BEND2: variants seen among roughly 807,000 people sequenced by gnomAD.
BEND2 encodes the protein BEN domain containing 2.
Under a neutral mutation model 43.8 loss-of-function variants are expected in BEND2, and 19 were observed. That is an observed-to-expected ratio of 0.43 (90% CI 0.30 to 0.64). The LOEUF is 0.64. Among genes scored for constraint, BEND2 ranks in the 30% least tolerant of loss-of-function variants. The pLI is 0.11. For missense variants in BEND2, 544 were observed against 574.0 expected (o/e 0.95, Z 0.53); for synonymous variants, 226 against 210.1 (o/e 1.08, Z -0.66).
chrX:18,191,258 G>A (rs936812475), intron 7 of BEND2, 150 bp from the exon 8 acceptor site: 7 of 429,237 alleles, frequency 1.6e-5, no homozygotes, highest in East Asian at 8.4e-5. Flanking sequence ...TTTAAAAAAC[G>A]GTGACTGGCT....
intron 8 of BEND2, among the ~76,000 whole-genome samples, chrX:18,182,564 G>A (rs997008778): frequency 1.8e-5 from 2 of 111,453 alleles, no homozygotes; most frequent in African/African-American, 6.5e-5. Flanking sequence ...AGACAAATAA[G>A]AACACTACAT....
At chrX:18,205,226 C>T (rs984078666) in intron 4 of BEND2, among the ~76,000 whole-genome samples, 5 of 110,688 alleles carry the variant, frequency 4.5e-5, no homozygotes, top group Admixed American at 9.7e-5. Context: ...GACGGCCTTC[C>T]ACCTGGCAGA....
chrX:18,195,778 G>A (rs1924924324), intron 6 of BEND2, among the ~76,000 whole-genome samples: 1 of 109,897 alleles, frequency 9.1e-6, no homozygotes, highest in African/African-American at 3.3e-5. Context: ...GAGTCAGGAG[G>A]CTGAGGGAGG....
At chrX:18,199,372 A>G (rs1457666832) in intron 6 of BEND2, among the ~76,000 whole-genome samples, 1 of 111,219 alleles carries the variant, frequency 9.0e-6, no homozygotes, top group Non-Finnish European at 1.9e-5. Context: ...TTAAAAGAAC[A>G]ATATGAAGGA....
intron 13 of BEND2, among the ~76,000 whole-genome samples, chrX:18,170,448 G>T (rs774014931): frequency 8.9e-6 from 1 of 112,015 alleles, no homozygotes; most frequent in South Asian, 3.7e-4. Context: ...TGATATGAAG[G>T]TAGGAACCAC....
intron 9 of BEND2, 119 bp from the exon 10 acceptor site, chrX:18,177,888 G>C: frequency 1.5e-6 from 1 of 655,095 alleles, no homozygotes; most frequent in South Asian, 3.0e-5. Flanking sequence ...GGCAAATGCA[G>C]ATAAATGATT....
chrX:18,217,126 C>A (rs1451429366), intron 1 of BEND2, among the ~76,000 whole-genome samples: 1 of 112,294 alleles, frequency 8.9e-6, no homozygotes, highest in African/African-American at 3.2e-5. Flanking sequence ...AATTTGTTCT[C>A]TAAAAACTAA....
chrX:18,192,021 G>A (rs947791399), intron 7 of BEND2, among the ~76,000 whole-genome samples: 1 of 111,720 alleles, frequency 9.0e-6, no homozygotes, highest in Non-Finnish European at 1.9e-5. Context: ...CTTGCACTAC[G>A]GATGCTAATG....
At chrX:18,189,013 G>A (rs766725004) in intron 8 of BEND2, among the ~76,000 whole-genome samples, 78 of 109,140 alleles carry the variant, frequency 7.1e-4, no homozygotes, top group Non-Finnish European at 1.3e-3. Flanking sequence ...AGCCTGGCCA[G>A]CACGGTGAAA....
At chrX:18,208,021 G>GA (rs201680223) in intron 4 of BEND2, among the ~76,000 whole-genome samples, 17,248 of 89,027 alleles carry the variant, frequency 0.19, 1,255 homozygotes, top group East Asian at 0.39. Flanking sequence ...TTCTGTCTCA[G>GA]AAAAAAAAAA....
intron 1 of BEND2, among the ~76,000 whole-genome samples, chrX:18,220,355 C>T (rs1925829966): frequency 8.9e-6 from 1 of 112,596 alleles, no homozygotes; most frequent in Non-Finnish European, 1.9e-5. Flanking sequence ...GAAAGAACCG[C>T]GGGCCAGAGG....
In BEND2 at chrX:18,196,830, G is replaced by A. The variant is rs755625571; in HGVS notation, c.1034-1388C>T. Among the ~76,000 whole-genome samples the A allele has an allele frequency of 1.9e-3, 211 of 111,393 alleles. 1 individual carries two copies. The highest frequency in any genetic ancestry group is 6.2e-3 in the African/African-American group (189 of 30,694). On this transcript the variant is annotated intron_variant, in intron 6 of 13. Transcript: ENST00000380033. Reference sequence around the variant, plus strand: ...GGAAGAAAAGGGTGACCTGAGAGAGGTGGGGGTGGTTATCAAAGATGAGGC... The same window carrying A: ...GGAAGAAAAGGGTGACCTGAGAGAGATGGGGGTGGTTATCAAAGATGAGGC...
intron 4 of BEND2, among the ~76,000 whole-genome samples, chrX:18,209,348 T>C (rs1279488260): frequency 9.0e-6 from 1 of 111,430 alleles, no homozygotes; most frequent in African/African-American, 3.3e-5. Context: ...GATACTAACT[T>C]GTCTTGGTGA....
At chrX:18,167,959 C>T (rs1923866247) in intron 13 of BEND2, among the ~76,000 whole-genome samples, 1 of 112,523 alleles carries the variant, frequency 8.9e-6, no homozygotes, top group South Asian at 3.7e-4. Context: ...TTAAGCACAT[C>T]TGAAGGTAGT....
intron 8 of BEND2, among the ~76,000 whole-genome samples, chrX:18,182,671 G>C (rs1306393366): frequency 9.0e-6 from 1 of 111,173 alleles, no homozygotes; most frequent in Non-Finnish European, 1.9e-5. Flanking sequence ...AAAACTGAAA[G>C]AGTAGAAAGG....
At chrX:18,171,339 C>T (rs1222327044) in intron 12 of BEND2, 135 bp from the exon 13 acceptor site, 1 of 694,904 alleles carries the variant, frequency 1.4e-6, no homozygotes, top group Non-Finnish European at 2.1e-6. Context: ...AATTTAAGGC[C>T]TTACATTTTT....
Position 18,175,976 on chromosome X carries a change from G to T in BEND2, c.1748C>A (p.Thr583Asn), listed in dbSNP as rs1924133813. Residue 583 changes from threonine to asparagine, a missense_variant, in exon 11 of 14, where the codon ACT (threonine) becomes AAT (asparagine). By Grantham distance (65) the Thr-to-Asn change is moderately conservative. Transcript: ENST00000380033. ...IYCLCSEGKS[T>N]PKTVRKNKKR... Reference sequence around the variant, plus strand: ...TTTAGATGAAAAATAACTTACTGGAGTACTCTTGCCTTCAGAACATAAACA... The same window carrying T: ...TTTAGATGAAAAATAACTTACTGGATTACTCTTGCCTTCAGAACATAAACA... 1 of 1,186,745 alleles carries T rather than the reference G, an allele frequency of 8.4e-7. No individual in the cohort carries two copies. Among genetic ancestry groups the T allele is most frequent in the Non-Finnish European group, 1.1e-6 (1 of 881,994 alleles).
rs747798379 is a variant in BEND2 at position 18,180,571 on chromosome X, T to A, written c.1368A>T (p.Leu456Phe). The A allele has an allele frequency of 2.5e-6, 3 of 1,208,589 alleles. No homozygotes were observed. In the African/African-American group the frequency reaches 5.2e-5, roughly 21 times the overall value. ...NSVNTMNRST[L>F]LDSDSGQDSS... ...AATCCTGGCCACTGTCACTGTCCAA[T>A]AAAGTTGAGCGATTCATTGTGTTGA... The change falls in exon 9 of 14, where the codon TTA (leucine) becomes TTT (phenylalanine). Residue 456 changes from leucine to phenylalanine, a missense_variant. Transcript: ENST00000380033.
intron 9 of BEND2, among the ~76,000 whole-genome samples, chrX:18,178,188 T>C (rs1924248669): frequency 1.8e-5 from 2 of 112,056 alleles, no homozygotes; most frequent in Admixed American, 9.5e-5. Flanking sequence ...CTGAAGACAA[T>C]GTTGAAAGCG....
Sources: gnomAD v4.1 joint callset for allele counts (sites outside exome capture counted in the v4.1 genomes callset) on GRCh38, gnomAD v4.1.1 for gene constraint, MANE v1.5 for transcripts, NCBI Gene and HGNC (gene_info 2026-07-23, HGNC 2026-07-21) for gene names.